Variants in ZNF532 observed in about 807,000 individuals in gnomAD.
ZNF532 encodes the protein zinc finger protein 532.
In ZNF532, 22 loss-of-function variants were observed where a neutral mutation model predicts 89.3. That is an observed-to-expected ratio of 0.25 (90% CI 0.18 to 0.35). ZNF532 has a LOEUF of 0.35. Among genes scored for constraint, ZNF532 ranks in the 10% least tolerant of loss-of-function variants. The pLI is 1.00. For missense variants in ZNF532, 1,132 were observed against 1,643.4 expected, an observed-to-expected ratio of 0.69 and a Z score of 5.38; for synonymous variants, 606 against 649.6, an observed-to-expected ratio of 0.93 and a Z score of 1.02.
Position 58,934,619 on chromosome 18 carries a change from G to C in ZNF532, c.2528+5G>C. On this transcript the variant is annotated splice_donor_5th_base_variant and intron_variant, in intron 4 of 9. Transcript: ENST00000591808. ...CACGAGGAGAGTTGGTTTTCGGTCA[G>C]TATATCATTCACTTATGTGCAAGTA... 1.9e-6 allele frequency: 3 copies of C among 1,611,754 alleles called. No individual in the cohort carries two copies. The highest frequency in any genetic ancestry group is 2.5e-6 in the Non-Finnish European group (3 of 1,178,790).
At chr18:58,876,796 G>A (rs1290822159) in intron 2 of ZNF532, among the ~76,000 whole-genome samples, 5 of 152,200 alleles carry the variant, frequency 3.3e-5, no homozygotes, top group African/African-American at 9.7e-5. Flanking sequence ...AATGGCTCAC[G>A]CCTGTAATCC....
At chr18:58,885,684 G>A (rs777326280) in intron 2 of ZNF532, among the ~76,000 whole-genome samples, 7 of 151,922 alleles carry the variant, frequency 4.6e-5, no homozygotes, top group African/African-American at 9.7e-5. Flanking sequence ...GTGAAACTCC[G>A]TTTCTACAAA....
chr18:58,952,532 G>A (rs1412278767), intron 6 of ZNF532, among the ~76,000 whole-genome samples: 1 of 152,116 alleles, frequency 6.6e-6, no homozygotes, highest in Non-Finnish European at 1.5e-5. Flanking sequence ...AGCCTTCTAA[G>A]TAACTGGGAC....
At chr18:58,935,634 C>G (rs2062409334) in intron 4 of ZNF532, among the ~76,000 whole-genome samples, 1 of 150,216 alleles carries the variant, frequency 6.7e-6, no homozygotes, top group African/African-American at 2.5e-5. Flanking sequence ...CTAATGTTAG[C>G]TAGTGTTGAA....
intron 5 of ZNF532, among the ~76,000 whole-genome samples, chr18:58,946,470 G>T (rs758129340): frequency 6.6e-6 from 1 of 151,722 alleles, no homozygotes; most frequent in Non-Finnish European, 1.5e-5. Context: ...ATAGGGTTTC[G>T]CCCTGTTGCC....
At chr18:58,983,264 AAGC>A (rs2068039167) in intron 9 of ZNF532, among the ~76,000 whole-genome samples, 1 of 152,112 alleles carries the variant, frequency 6.6e-6, no homozygotes, top group Admixed American at 6.6e-5. Context: ...AGAGCCCTGG[AAGC>A]AGACGCAGTA....
chr18:58,920,540 A>C lies in ZNF532; in HGVS notation c.2253A>C (p.Arg751Ser). The change falls in exon 3 of 10, where the codon AGA becomes AGC. Residue 751 changes from arginine (R) to serine (S), a missense_variant. Physicochemically the swap from Arg to Ser is moderately radical, Grantham distance 110. Around this residue, in one of 9 missense-constraint regions of ZNF532, gnomAD observed 100 missense variants for 122.0 expected, o/e 0.82. Coordinates refer to ENST00000591808, the MANE Select transcript of ZNF532 (RefSeq NM_001375912.1). The stretch of plus-strand genomic sequence containing the variant: ...ATGAAGACCCCTCCAAACTGTGTAG[A>C]CATAGTCTAAAATGTTTGGAGTGTA... Reference protein sequence around the residue: ...PLDEDPSKLCRHSLKCLECNE... With the variant: ...PLDEDPSKLCSHSLKCLECNE... 6.2e-7 allele frequency: 1 copy of C among 1,613,868 alleles called. No individual in the cohort carries two copies. Among genetic ancestry groups the C allele is most frequent in the Non-Finnish European group, 8.5e-7 (1 of 1,179,826 alleles).
Position 58,883,339 on chromosome 18 carries a change from A to G in ZNF532, c.-18+17760A>G, listed in dbSNP as rs185998214. On this transcript the variant is annotated intron_variant, in intron 2 of 9. Transcript: ENST00000591808. ...TAAAAGGACTGTGTTTCAGAATTCCAAAAGTGTTTTAAGTGAATTTGGTAT... is the reference window on the plus strand; with the variant it reads ...TAAAAGGACTGTGTTTCAGAATTCCGAAAGTGTTTTAAGTGAATTTGGTAT... Among the ~76,000 whole-genome samples, 6 of 152,324 alleles carry G rather than the reference A, an allele frequency of 3.9e-5. No homozygotes were observed. The South Asian group carries it at 8.3e-4, about 21-fold the overall frequency.
At chr18:58,878,819 A>G (rs2057649909) in intron 2 of ZNF532, among the ~76,000 whole-genome samples, 1 of 152,234 alleles carries the variant, frequency 6.6e-6, no homozygotes, top group South Asian at 2.1e-4. Flanking sequence ...TGACATCAAG[A>G]ACTCAAGCGT....
At chr18:58,871,819 A>T (rs1013543695) in intron 2 of ZNF532, among the ~76,000 whole-genome samples, 3 of 152,270 alleles carry the variant, frequency 2.0e-5, no homozygotes, top group African/African-American at 7.2e-5. Flanking sequence ...TAGAAATAGC[A>T]TGTTGAAAAG....
chr18:58,977,904 T>TA (rs1377490419), intron 7 of ZNF532, among the ~76,000 whole-genome samples: 3 of 152,190 alleles, frequency 2.0e-5, no homozygotes, highest in Admixed American at 6.5e-5. Flanking sequence ...TTCTTAGTAT[T>TA]ATCTCACATG....
At position 58,888,799 on chromosome 18, in the gene ZNF532, T is replaced by TTA. The variant is rs1171793271; in HGVS notation, c.-18+23229_-18+23230dup. On this transcript the variant is annotated intron_variant, in intron 2 of 9. Transcript: ENST00000591808. ...TATATATATATAAAATATATATAAT[T>TTA]TATATATATAAAAAATTATATATAT... is the stretch of plus-strand genomic sequence containing the variant. 4.2e-3 allele frequency among the ~76,000 whole-genome samples: 197 copies of TTA among 47,158 alleles called. 6 individuals are homozygous for TTA. Among genetic ancestry groups the TTA allele is most frequent in the African/African-American group, 0.021 (166 of 8,046 alleles). The allele number at this position is 47,158 out of a possible 152,430, so 30.9% of individuals were successfully genotyped here.
chr18:58,880,920 T>G (rs949772315), intron 2 of ZNF532, among the ~76,000 whole-genome samples: 12 of 152,176 alleles, frequency 7.9e-5, no homozygotes, highest in African/African-American at 2.9e-4. Flanking sequence ...GCTTTACTGC[T>G]TTTGATTTAG....
chr18:58,896,016 T>C (rs2059225102), intron 2 of ZNF532, among the ~76,000 whole-genome samples: 1 of 151,932 alleles, frequency 6.6e-6, no homozygotes, highest in Admixed American at 6.6e-5. Context: ...CACACCTCAC[T>C]AACTTTAAAT....
At chr18:58,950,560 G>A (rs538373675) in intron 6 of ZNF532, among the ~76,000 whole-genome samples, 3 of 152,162 alleles carry the variant, frequency 2.0e-5, no homozygotes, top group African/African-American at 7.2e-5. Flanking sequence ...CATGAGGAAG[G>A]AAGAGGAAGT....
intron 7 of ZNF532, among the ~76,000 whole-genome samples, chr18:58,955,338 C>T (rs2147080430): frequency 6.6e-6 from 1 of 152,296 alleles, no homozygotes; most frequent in East Asian, 1.9e-4. Context: ...ATACCAGCTA[C>T]CAGCTTGTCT....
At chr18:58,964,535 T>TGTGTG (rs2065708267) in intron 7 of ZNF532, among the ~76,000 whole-genome samples, 1 of 138,554 alleles carries the variant, frequency 7.2e-6, no homozygotes, top group Admixed American at 7.3e-5. Flanking sequence ...GATATTTTGT[T>TGTGTG]TGTGTGTGTG....
intron 2 of ZNF532, among the ~76,000 whole-genome samples, chr18:58,894,345 C>A (rs2059111620): frequency 6.6e-6 from 1 of 151,448 alleles, no homozygotes; most frequent in Admixed American, 6.6e-5. Context: ...TATGCACCTG[C>A]AATCCCAGCT....
At chr18:58,979,267 TC>T (rs2067419939) in intron 8 of ZNF532, 100 bp downstream of exon 8, 4 of 740,636 alleles carry the variant, frequency 5.4e-6, no homozygotes, top group Non-Finnish European at 8.8e-6. Flanking sequence ...GCTCCACAGT[TC>T]CTACATTACA....
Sources: gnomAD v4.1 joint callset for allele counts (sites outside exome capture counted in the v4.1 genomes callset) on GRCh38, gnomAD v4.1.1 for gene constraint, gnomAD v4.1.1 regional missense constraint, MANE v1.5 for transcripts, NCBI Gene and HGNC (gene_info 2026-07-23, HGNC 2026-07-21) for gene names.